The following PREX2 variants were observed in gnomAD, a reference collection of about 807,000 sequenced individuals.
PREX2 encodes phosphatidylinositol 3,4,5-trisphosphate-dependent Rac exchanger 2 protein.
In PREX2, 107 loss-of-function variants were observed where a neutral mutation model predicts 203.2. The ratio of observed to expected loss-of-function variants is 0.53; its 90% CI spans 0.45 to 0.62. The LOEUF (loss-of-function observed/expected upper bound fraction) is 0.62. PREX2 is among the 20% of genes least tolerant of loss of function. The pLI is 0.00. For missense variants in PREX2, 1,777 were observed against 1,955.9 expected (o/e 0.91, Z 1.72); for synonymous variants, 672 against 663.6 (o/e 1.01, Z -0.19).
intron 25 of PREX2, among the ~76,000 whole-genome samples, chr8:68,112,919 A>G (rs953556385): frequency 2.6e-5 from 4 of 152,216 alleles, no homozygotes; most frequent in Non-Finnish European, 4.4e-5. Context: ...GATGTTAGCA[A>G]TGATGATGAT....
At chr8:68,078,328 A>T (rs2129611833) in intron 15 of PREX2, among the ~76,000 whole-genome samples, 1 of 152,154 alleles carries the variant, frequency 6.6e-6, no homozygotes, top group South Asian at 2.1e-4. Flanking sequence ...ACCACGTCTA[A>T]CTAACTTTTG....
intron 35 of PREX2, among the ~76,000 whole-genome samples, chr8:68,163,819 C>A (rs1349030208): frequency 1.3e-5 from 2 of 152,086 alleles, no homozygotes; most frequent in Non-Finnish European, 2.9e-5. Flanking sequence ...ATCTAAACTC[C>A]CAAGGAAATG....
intron 31 of PREX2, among the ~76,000 whole-genome samples, chr8:68,132,044 G>A (rs1421778492): frequency 6.6e-6 from 1 of 152,134 alleles, no homozygotes; most frequent in African/African-American, 2.4e-5. Context: ...GTGAACCTCA[G>A]TACCCTAGGT....
chr8:68,045,783 A>G (rs1209875483), intron 8 of PREX2, among the ~76,000 whole-genome samples: 1 of 152,120 alleles, frequency 6.6e-6, no homozygotes, highest in East Asian at 1.9e-4. Flanking sequence ...ACAGACTGTA[A>G]TGCAGTTGCA....
intron 1 of PREX2, among the ~76,000 whole-genome samples, chr8:67,999,655 C>G (rs1405864301): frequency 6.6e-6 from 1 of 151,816 alleles, no homozygotes; most frequent in East Asian, 1.9e-4. Context: ...GGCAGAGAGA[C>G]AACAAAAAAA....
At chr8:68,199,453 C>T (rs1563584371) in intron 37 of PREX2, among the ~76,000 whole-genome samples, 2 of 152,166 alleles carry the variant, frequency 1.3e-5, no homozygotes, top group Non-Finnish European at 1.5e-5. Context: ...GGTTGAATTA[C>T]CAAGGCTCTA....
intron 11 of PREX2, among the ~76,000 whole-genome samples, chr8:68,063,775 G>A (rs766335159): frequency 1.2e-4 from 19 of 152,110 alleles, no homozygotes; most frequent in Non-Finnish European, 2.6e-4. Flanking sequence ...AGAAATAAAG[G>A]TTGCTGGTTC....
intron 33 of PREX2, among the ~76,000 whole-genome samples, chr8:68,139,062 T>C (rs184117436): frequency 6.6e-6 from 1 of 152,196 alleles, no homozygotes; most frequent in Non-Finnish European, 1.5e-5. Flanking sequence ...CTATTCTTGG[T>C]GTTGGATTCA....
At chr8:68,136,272 A>G (rs763427259) in intron 32 of PREX2, among the ~76,000 whole-genome samples, 3 of 152,168 alleles carry the variant, frequency 2.0e-5, no homozygotes, top group Non-Finnish European at 4.4e-5. Context: ...TTTTTTTTCA[A>G]CTGGTCTTGT....
intron 26 of PREX2, among the ~76,000 whole-genome samples, chr8:68,116,842 T>C (rs746694753): frequency 3.9e-5 from 6 of 152,124 alleles, no homozygotes; most frequent in Non-Finnish European, 8.8e-5. Flanking sequence ...CAACCCAAAA[T>C]ACTTTCCCTC....
At chr8:68,215,780 G>T (rs1306192422) in intron 37 of PREX2, among the ~76,000 whole-genome samples, 2 of 151,906 alleles carry the variant, frequency 1.3e-5, no homozygotes, top group East Asian at 1.9e-4. Context: ...CTTGTGATCC[G>T]CCCGCCTCGG....
intron 1 of PREX2, among the ~76,000 whole-genome samples, chr8:67,965,497 G>GTA (rs35804141): frequency 0.43 from 65,240 of 150,408 alleles, 14,714 homozygotes; most frequent in East Asian, 0.6. Context: ...GAGTGTATAT[G>GTA]TATATATATA....
chr8:68,201,119 A>G (rs578242302), intron 37 of PREX2, among the ~76,000 whole-genome samples: 1 of 152,280 alleles, frequency 6.6e-6, no homozygotes, highest in East Asian at 1.9e-4. Context: ...TATATTATAA[A>G]TAAAAATTCC....
intron 13 of PREX2, among the ~76,000 whole-genome samples, chr8:68,072,054 G>A (rs1809212004): frequency 6.6e-6 from 1 of 152,046 alleles, no homozygotes; most frequent in Non-Finnish European, 1.5e-5. Context: ...TAAATGAAAT[G>A]ACATATAATG....
chr8:68,101,058 G>A (rs1026471914), intron 23 of PREX2, among the ~76,000 whole-genome samples: 1 of 152,108 alleles, frequency 6.6e-6, no homozygotes, highest in Non-Finnish European at 1.5e-5. Context: ...ACCAATAGAA[G>A]ACTAATTGAT....
chr8:68,043,470 C>T (rs1237950567), intron 7 of PREX2, among the ~76,000 whole-genome samples: 1 of 152,042 alleles, frequency 6.6e-6, no homozygotes, highest in African/African-American at 2.4e-5. Flanking sequence ...CACACCAGGG[C>T]AGGTATCTAA....
chr8:68,199,121 C>T (rs1176814797), intron 37 of PREX2, among the ~76,000 whole-genome samples: 1 of 147,144 alleles, frequency 6.8e-6, no homozygotes, highest in Non-Finnish European at 1.5e-5. Context: ...ATCAAGAAGG[C>T]CTTGCTGCAT....
At chr8:68,194,455 G>A (rs1250768064) in intron 37 of PREX2, among the ~76,000 whole-genome samples, 1 of 151,974 alleles carries the variant, frequency 6.6e-6, no homozygotes, top group Non-Finnish European at 1.5e-5. Flanking sequence ...AATCAGATGG[G>A]GAGATTTGTG....
chr8:68,041,589 C>A (rs768178478), intron 7 of PREX2, among the ~76,000 whole-genome samples: 1 of 152,012 alleles, frequency 6.6e-6, no homozygotes, highest in Non-Finnish European at 1.5e-5. Context: ...TTCCTTTTTA[C>A]CACATGTGAA....
Sources: gnomAD v4.1 joint callset for allele counts (sites outside exome capture counted in the v4.1 genomes callset) on GRCh38, gnomAD v4.1.1 for gene constraint, MANE v1.5 for transcripts, NCBI Gene and HGNC (gene_info 2026-07-23, HGNC 2026-07-21) for gene names.